Variants in NALCN observed in about 807,000 individuals in gnomAD.
NALCN encodes sodium leak channel NALCN.
Under a neutral mutation model 225.3 loss-of-function variants are expected in NALCN, and 111 were observed. That is an observed-to-expected ratio of 0.49 (90% confidence interval 0.42 to 0.58). The LOEUF is 0.58. Ranked by LOEUF, NALCN falls within the 20% of genes least tolerant of loss-of-function variation. The probability of loss-of-function intolerance (pLI) is 0.00; values close to 1 mark genes in which losing one functional copy is unlikely to be tolerated. For missense variants in NALCN, 1,378 were observed against 2,202.4 expected (o/e 0.63, Z 7.49); for synonymous variants, 764 against 769.0 (o/e 0.99, Z 0.11).
chr13:101,062,659 A>G (rs1166549199), intron 40 of NALCN, among the ~76,000 whole-genome samples: 1 of 152,092 alleles, frequency 6.6e-6, no homozygotes, highest in Non-Finnish European at 1.5e-5. Context: ...GCTGGAGTGT[A>G]ATGGCGTGCT....
chr13:101,171,503 T>A (rs567768157), intron 15 of NALCN, among the ~76,000 whole-genome samples: 1 of 152,220 alleles, frequency 6.6e-6, no homozygotes, highest in South Asian at 2.1e-4. Flanking sequence ...AAATATGGTT[T>A]CTACGTACTT....
intron 7 of NALCN, among the ~76,000 whole-genome samples, chr13:101,317,279 G>A (rs1412943167): frequency 6.6e-6 from 1 of 152,132 alleles, no homozygotes; most frequent in East Asian, 1.9e-4. Flanking sequence ...CATCTTTACA[G>A]GTGAGGACAT....
intron 15 of NALCN, among the ~76,000 whole-genome samples, chr13:101,166,163 G>T (rs556705362): frequency 1.3e-5 from 2 of 152,186 alleles, no homozygotes; most frequent in African/African-American, 4.8e-5. Flanking sequence ...GGACACTAGG[G>T]TTGCTTCCAC....
chr13:101,363,509 G>A (rs1243091674), intron 6 of NALCN, among the ~76,000 whole-genome samples: 1 of 152,068 alleles, frequency 6.6e-6, no homozygotes, highest in Non-Finnish European at 1.5e-5. Context: ...AACAAATGGT[G>A]CTGGGAAAAA....
At chr13:101,076,395 T>G (rs1232321688) in intron 34 of NALCN, among the ~76,000 whole-genome samples, 1 of 152,166 alleles carries the variant, frequency 6.6e-6, no homozygotes, top group Non-Finnish European at 1.5e-5. Flanking sequence ...CTAAGCTGAT[T>G]TCAGAGAGGT....
intron 17 of NALCN, among the ~76,000 whole-genome samples, chr13:101,136,751 G>A (rs1450809322): frequency 3.9e-5 from 6 of 152,156 alleles, no homozygotes; most frequent in African/African-American, 1.4e-4. Flanking sequence ...TGTGAACAGT[G>A]CTGCAATAAA....
At position 101,081,734 on chromosome 13, in the gene NALCN, A is replaced by AT. The variant is rs1216144950; in HGVS notation, c.3766-89dup. ...AACTTGAGATGCATTATGTGTATGT[A>AT]TTTTTTTCAAATGAAGAAAATTTTA... is the stretch of plus-strand genomic sequence containing the variant. On this transcript the variant is annotated intron_variant, in intron 33 of 43. Coordinates refer to ENST00000251127, the MANE Select transcript of NALCN (RefSeq NM_052867.4). 6.7e-6 allele frequency: 10 copies of AT among 1,485,892 alleles called. No individual in the cohort carries two copies. In the Admixed American group the frequency reaches 1.4e-4, roughly 20 times the overall value. 92.0% of individuals were successfully genotyped at this position (1,485,892 alleles called of 1,614,324 possible). A position where few individuals can be genotyped will look rare whatever the true frequency, so the allele number is the denominator to read the frequency against.
chr13:101,325,605 G>T (rs989954194), intron 7 of NALCN, among the ~76,000 whole-genome samples: 1 of 152,120 alleles, frequency 6.6e-6, no homozygotes, highest in African/African-American at 2.4e-5. Context: ...CTCAGCAGCT[G>T]CTTCTTTTCT....
chr13:101,211,460 T>C (rs976652295), intron 13 of NALCN, among the ~76,000 whole-genome samples: 1 of 152,028 alleles, frequency 6.6e-6, no homozygotes, highest in Non-Finnish European at 1.5e-5. Flanking sequence ...GCCAATTTTA[T>C]GTGATTCATC....
chr13:101,126,026 G>T (rs1197347591), intron 17 of NALCN, among the ~76,000 whole-genome samples: 1 of 152,140 alleles, frequency 6.6e-6, no homozygotes, highest in African/African-American at 2.4e-5. Flanking sequence ...ACAAGGGTTA[G>T]GTATGTTGAG....
At chr13:101,200,054 T>C (rs534272854) in intron 13 of NALCN, among the ~76,000 whole-genome samples, 1 of 152,212 alleles carries the variant, frequency 6.6e-6, no homozygotes, top group East Asian at 1.9e-4. Context: ...ATCTCATCCA[T>C]TGTAATGCCT....
intron 7 of NALCN, among the ~76,000 whole-genome samples, chr13:101,326,737 T>C (rs1008373036): frequency 6.6e-6 from 1 of 152,224 alleles, no homozygotes; most frequent in Non-Finnish European, 1.5e-5. Flanking sequence ...GCATCTGCTA[T>C]TTATTGGCCC....
At chr13:101,207,584 C>T (rs1436399907) in intron 13 of NALCN, among the ~76,000 whole-genome samples, 1 of 152,142 alleles carries the variant, frequency 6.6e-6, no homozygotes, top group African/African-American at 2.4e-5. Flanking sequence ...GGCTGGGCTT[C>T]TGGGTTGAGT....
At chr13:101,154,554 A>G (rs1187780835) in intron 15 of NALCN, among the ~76,000 whole-genome samples, 1 of 152,192 alleles carries the variant, frequency 6.6e-6, no homozygotes, top group Non-Finnish European at 1.5e-5. Flanking sequence ...GGTTTGCACT[A>G]TAACTTTCTA....
At chr13:101,059,719 C>CTTGT in intron 42 of NALCN, 99 bp downstream of exon 42, 1 of 1,012,170 alleles carries the variant, frequency 9.9e-7, no homozygotes, top group East Asian at 2.7e-5. Context: ...ATATTGTCAC[C>CTTGT]TTGTTTGAAT....
At chr13:101,306,459 C>T (rs540923805) in intron 7 of NALCN, among the ~76,000 whole-genome samples, 50 of 152,290 alleles carry the variant, frequency 3.3e-4, no homozygotes, top group African/African-American at 1.1e-3. Flanking sequence ...TAGGTCCAGC[C>T]GTGCAGGCAC....
chr13:101,105,384 T>C (rs1456044816), intron 22 of NALCN, among the ~76,000 whole-genome samples: 2 of 152,226 alleles, frequency 1.3e-5, no homozygotes, highest in Admixed American at 6.5e-5. Flanking sequence ...AACTGTGATG[T>C]GGTAGAATGA....
chr13:101,413,756 A>T (rs1012588695), intron 1 of NALCN, among the ~76,000 whole-genome samples: 3 of 152,148 alleles, frequency 2.0e-5, no homozygotes, highest in Non-Finnish European at 2.9e-5. Flanking sequence ...AAAATCAATT[A>T]AAAAAATTTA....
intron 3 of NALCN, among the ~76,000 whole-genome samples, chr13:101,393,167 A>G (rs1311313180): frequency 6.6e-6 from 1 of 152,190 alleles, no homozygotes; most frequent in East Asian, 1.9e-4. Flanking sequence ...CCAAAATTGA[A>G]TGAAAAAATA....
Sources: gnomAD v4.1 joint callset for allele counts (sites outside exome capture counted in the v4.1 genomes callset) on GRCh38, gnomAD v4.1.1 for gene constraint, MANE v1.5 for transcripts, NCBI Gene and HGNC (gene_info 2026-07-23, HGNC 2026-07-21) for gene names.